CTIF: variants seen among roughly 807,000 people sequenced by gnomAD.
CTIF encodes cap binding complex dependent translation initiation factor.
CTIF carries 21 observed loss-of-function variants against 66.0 expected under a neutral mutation model. The observed-to-expected ratio is 0.32, with a 90% CI of 0.23 to 0.46. The LOEUF (loss-of-function observed/expected upper bound fraction) is 0.46, where lower values mean the gene tolerates loss of function less well. Among genes scored for constraint, CTIF ranks in the 20% least tolerant of loss-of-function variants. CTIF has a pLI of 1.00. For missense variants in CTIF, 739 were observed against 812.7 expected, an observed-to-expected ratio of 0.91 and a Z score of 1.10; for synonymous variants, 345 against 326.4, an observed-to-expected ratio of 1.06 and a Z score of -0.62.
intron 9 of CTIF, among the ~76,000 whole-genome samples, chr18:48,803,345 T>G (rs1000933788): frequency 6.6e-6 from 1 of 152,276 alleles, no homozygotes; most frequent in African/African-American, 2.4e-5. Context: ...TGGTAATTTT[T>G]TATTAATAAT....
At chr18:48,657,324 C>T (rs1488894172) in intron 3 of CTIF, among the ~76,000 whole-genome samples, 1 of 152,198 alleles carries the variant, frequency 6.6e-6, no homozygotes, top group Non-Finnish European at 1.5e-5. Context: ...TATTAGCAGT[C>T]TTATCATTCA....
intron 7 of CTIF, among the ~76,000 whole-genome samples, chr18:48,719,755 G>T (rs1020153210): frequency 1.6e-4 from 24 of 152,224 alleles, no homozygotes; most frequent in African/African-American, 5.3e-4. Context: ...TCACATTTTT[G>T]TGCTTTTCCT....
At chr18:48,774,159 A>G (rs931945177) in intron 9 of CTIF, among the ~76,000 whole-genome samples, 2 of 152,276 alleles carry the variant, frequency 1.3e-5, no homozygotes, top group African/African-American at 2.4e-5. Flanking sequence ...TCTGAGGCCA[A>G]TCGGCATCAT....
At chr18:48,682,437 CAGAAA>C (rs1242796684) in intron 6 of CTIF, among the ~76,000 whole-genome samples, 3 of 152,184 alleles carry the variant, frequency 2.0e-5, no homozygotes, top group Non-Finnish European at 4.4e-5. Context: ...CCCAGTGAAC[CAGAAA>C]CTCTGGGAGA....
At chr18:48,636,935 T>C (rs1391054554) in intron 3 of CTIF, among the ~76,000 whole-genome samples, 1 of 152,146 alleles carries the variant, frequency 6.6e-6, no homozygotes, top group Non-Finnish European at 1.5e-5. Flanking sequence ...TTAACACATA[T>C]CTGGAAGCAG....
At chr18:48,784,329 G>A (rs184806872) in intron 9 of CTIF, among the ~76,000 whole-genome samples, 1 of 152,240 alleles carries the variant, frequency 6.6e-6, no homozygotes, top group African/African-American at 2.4e-5. Flanking sequence ...TTGTCTAGGC[G>A]AATACAGGAG....
At chr18:48,845,298 GC>G (rs2069045847) in intron 10 of CTIF, among the ~76,000 whole-genome samples, 1 of 152,174 alleles carries the variant, frequency 6.6e-6, no homozygotes, top group Non-Finnish European at 1.5e-5. Context: ...GGCTTCCACT[GC>G]CCCAGTAGCA....
At chr18:48,773,492 A>G (rs141069285) in intron 9 of CTIF, among the ~76,000 whole-genome samples, 1,524 of 152,346 alleles carry the variant, frequency 0.01, 9 homozygotes, top group Non-Finnish European at 0.015. Flanking sequence ...AGCCAGAGCC[A>G]GGAGCTGGGG....
At chr18:48,779,307 G>T (rs1568212362) in intron 9 of CTIF, among the ~76,000 whole-genome samples, 1 of 152,182 alleles carries the variant, frequency 6.6e-6, no homozygotes, top group Non-Finnish European at 1.5e-5. Context: ...GTGGGTGGGG[G>T]TTAACAGCCC....
chr18:48,726,482 A>C (rs1300785534), intron 7 of CTIF, among the ~76,000 whole-genome samples: 1 of 152,186 alleles, frequency 6.6e-6, no homozygotes, highest in African/African-American at 2.4e-5. Flanking sequence ...ATCTGAAGGC[A>C]TGACTGGGGC....
At chr18:48,553,311 C>T (rs547476541) in intron 1 of CTIF, among the ~76,000 whole-genome samples, 89 of 152,332 alleles carry the variant, frequency 5.8e-4, no homozygotes, top group African/African-American at 2.1e-3. Flanking sequence ...TTGCCTGCAG[C>T]CTCATTCGCA....
chr18:48,602,822 G>A (rs2090115575), intron 1 of CTIF, among the ~76,000 whole-genome samples: 1 of 151,240 alleles, frequency 6.6e-6, no homozygotes, highest in African/African-American at 2.4e-5. Context: ...TGGATGAATG[G>A]GTGGATGAAT....
intron 1 of CTIF, among the ~76,000 whole-genome samples, chr18:48,616,919 T>A (rs2090410927): frequency 6.6e-6 from 1 of 152,236 alleles, no homozygotes. Context: ...AAGAGCGTCC[T>A]GTGTTCATTT....
chr18:48,695,498 G>A (rs567616917), intron 6 of CTIF, among the ~76,000 whole-genome samples: 1 of 152,310 alleles, frequency 6.6e-6, no homozygotes, highest in African/African-American at 2.4e-5. Context: ...GAGCCTCATG[G>A]GAATAGGCTT....
At chr18:48,781,497 G>T (rs1911213371) in intron 9 of CTIF, among the ~76,000 whole-genome samples, 1 of 152,204 alleles carries the variant, frequency 6.6e-6, no homozygotes, top group South Asian at 2.1e-4. Context: ...GGAGAGGAGA[G>T]ATAACAGCCC....
rs1485222077 is a variant in CTIF at position 48,860,515 on chromosome 18, A to AAAG, written c.*957_*959dup. 1.3e-5 allele frequency: 2 copies of AAAG among 155,432 alleles called. No individual in the cohort carries two copies. Among genetic ancestry groups the AAAG allele is most frequent in the East Asian group, 1.9e-4 (1 of 5,292 alleles). The allele number at this position is 155,432 out of a possible 1,614,324, so 9.6% of individuals were successfully genotyped here. A position where few individuals can be genotyped will look rare whatever the true frequency, so the allele number is the denominator to read the frequency against. ...TGGCTTCCAGCGCCTCTGTTTTCTC[A>AAAG]AAGGGCTGATACTGTCACCACTGGG... is the stretch of plus-strand genomic sequence containing the variant. On this transcript the variant is annotated 3_prime_UTR_variant, in exon 12 of 12. Coordinates refer to ENST00000256413, the MANE Select transcript of CTIF (RefSeq NM_014772.3).
chr18:48,650,961 A>T (rs1285785813), intron 3 of CTIF, among the ~76,000 whole-genome samples: 1 of 152,164 alleles, frequency 6.6e-6, no homozygotes, highest in Non-Finnish European at 1.5e-5. Context: ...TTTTGTCACC[A>T]CCAGGCCTGC....
intron 7 of CTIF, among the ~76,000 whole-genome samples, chr18:48,729,762 C>T (rs764790131): frequency 9.2e-5 from 14 of 152,084 alleles, no homozygotes; most frequent in Non-Finnish European, 1.8e-4. Context: ...GGTCCTGCCT[C>T]GGGTAGAGGA....
At chr18:48,599,361 A>G (rs1324740483) in intron 1 of CTIF, among the ~76,000 whole-genome samples, 1 of 152,110 alleles carries the variant, frequency 6.6e-6, no homozygotes, top group Admixed American at 6.5e-5. Context: ...AAAATGCCAA[A>G]ATCTCATTTT....
Sources: allele counts gnomAD v4.1 joint callset (sites outside exome capture counted in the v4.1 genomes callset), GRCh38; gene constraint gnomAD v4.1.1; transcripts MANE v1.5; gene names NCBI Gene and HGNC (gene_info 2026-07-23, HGNC 2026-07-21).